SPATA7: variants seen among roughly 807,000 people sequenced by gnomAD.
The protein encoded by SPATA7 is spermatogenesis associated 7.
Under a neutral mutation model 51.8 loss-of-function variants are expected in SPATA7, and 43 were observed. The ratio of observed to expected loss-of-function variants is 0.83; its 90% CI spans 0.65 to 1.07. SPATA7 has a LOEUF of 1.07. SPATA7 is among the 50% of genes least tolerant of loss of function. The pLI, the probability that SPATA7 is intolerant of heterozygous loss-of-function variation, is 0.00. For synonymous variants in SPATA7, 230 were observed against 252.8 expected, an observed-to-expected ratio of 0.91 and a Z score of 0.86; for missense variants, 683 against 701.3, an observed-to-expected ratio of 0.97 and a Z score of 0.30.
At chr14:88,394,560 T>A (rs2075831082) in intron 3 of SPATA7, among the ~76,000 whole-genome samples, 1 of 152,238 alleles carries the variant, frequency 6.6e-6, no homozygotes, top group South Asian at 2.1e-4. Flanking sequence ...CACCAGTTGT[T>A]AAACATTTGG....
intron 3 of SPATA7, among the ~76,000 whole-genome samples, chr14:88,451,190 A>G (rs1341348947): frequency 6.6e-6 from 1 of 152,106 alleles, no homozygotes; most frequent in Non-Finnish European, 1.5e-5. Flanking sequence ...TCGTTTTGAG[A>G]TGGAGATTCA....
chr14:88,429,995 C>G (rs568097900), intron 8 of SPATA7, among the ~76,000 whole-genome samples: 102 of 151,714 alleles, frequency 6.7e-4, no homozygotes, highest in African/African-American at 2.2e-3. Context: ...AATGGAGGCA[C>G]TCTTTAAAAA....
At chr14:88,437,027 T>G (rs1261821400) in intron 10 of SPATA7, among the ~76,000 whole-genome samples, 1 of 152,126 alleles carries the variant, frequency 6.6e-6, no homozygotes, top group Non-Finnish European at 1.5e-5. Context: ...GTGTGGACAT[T>G]TTAACAATAT....
chr14:88,416,409 CTTTTTT>C, intron 4 of SPATA7: 3 of 118,528 alleles, frequency 2.5e-5, no homozygotes, highest in South Asian at 1.4e-4. Flanking sequence ...TGTTGGCATT[CTTTTTT>C]TTTTTTTTTT....
At chr14:88,403,705 A>AG (rs2076131153) in intron 4 of SPATA7, among the ~76,000 whole-genome samples, 1 of 152,338 alleles carries the variant, frequency 6.6e-6, no homozygotes, top group Admixed American at 6.5e-5. Flanking sequence ...GGGCAACCTC[A>AG]GAGAGGCAGA....
downstream of SPATA7, among the ~76,000 whole-genome samples, chr14:88,455,813 G>A (rs1413381928): frequency 6.6e-6 from 1 of 151,978 alleles, no homozygotes; most frequent in Admixed American, 6.6e-5. Context: ...TGCCGTGTTG[G>A]TGTGCTGCAC....
At chr14:88,445,772 A>G (rs1443103837) in intron 3 of SPATA7, among the ~76,000 whole-genome samples, 1 of 152,178 alleles carries the variant, frequency 6.6e-6, no homozygotes, top group Non-Finnish European at 1.5e-5. Flanking sequence ...GGTTCTGTTT[A>G]TATGCTGGAT....
rs527960122 is a variant in SPATA7, at chr14:88,448,740, A to G, written c.178-6320A>G. Among the ~76,000 whole-genome samples the G allele has an allele frequency of 1.7e-3, 254 of 152,126 alleles. 1 individual carries two copies. The highest frequency in any genetic ancestry group is 3.7e-3 in the Admixed American group (57 of 15,260). ...CAGCTGCAGGTCTGTTGGAGTACCC[A>G]GCCGTGTGAGGTGTCAGTCTGCCCC... On this transcript the variant is annotated intron_variant, in intron 3 of 3. Transcript: ENST00000554802.
intron 5 of SPATA7, among the ~76,000 whole-genome samples, chr14:88,417,401 G>T (rs2076514506): frequency 6.6e-6 from 1 of 150,988 alleles, no homozygotes; most frequent in Non-Finnish European, 1.5e-5. Flanking sequence ...CCACTTCCTG[G>T]GTTGAAACAA....
intron 3 of SPATA7, among the ~76,000 whole-genome samples, chr14:88,452,451 T>C (rs1179246359): frequency 6.6e-6 from 1 of 152,226 alleles, no homozygotes; most frequent in Non-Finnish European, 1.5e-5. Flanking sequence ...TGTGGTATTA[T>C]AGGGAAAATC....
In SPATA7 at chr14:88,419,587, C is replaced by T. The variant is rs150333016; in HGVS notation, c.372+2743C>T. On this transcript the variant is annotated intron_variant, in intron 5 of 11. Coordinates refer to ENST00000393545, the MANE Select transcript of SPATA7 (RefSeq NM_018418.5). ...TTTTACCCAGGCCAGACTGCAGTGG[C>T]GCTATCTTGGCTCACTGCAAGCTCT... Among the ~76,000 whole-genome samples, 1,291 of 149,950 alleles carry T rather than the reference C, an allele frequency of 8.6e-3. 28 individuals carry two copies. Among genetic ancestry groups the T allele is most frequent in the African/African-American group, 0.03 (1,208 of 40,682 alleles).
At chr14:88,447,321 G>A in intron 3 of SPATA7, among the ~76,000 whole-genome samples, 1 of 148,366 alleles carries the variant, frequency 6.7e-6, no homozygotes, top group East Asian at 2.0e-4. Flanking sequence ...GCCTTTTTTT[G>A]TTTTCCATTT....
Position 88,416,731 on chromosome 14 carries a change from G to C in SPATA7, c.259G>C (p.Glu87Gln). Residue 87 changes from glutamate (E) to glutamine (Q), a missense_variant, in exon 5 of 12, where the codon GAG becomes CAG. Coordinates refer to ENST00000393545, the MANE Select transcript of SPATA7 (RefSeq NM_018418.5). The part of the protein sequence containing the change: ...SIKYADQQRR[E>Q]KLKKELAQCE... The stretch of plus-strand genomic sequence containing the variant: ...TTTAGATGCAGACCAACAACGAAGA[G>C]AGAAACTCAAAAAGGAATTAGCACA... 6.2e-7 allele frequency: 1 copy of C among 1,613,224 alleles called. No homozygotes were observed. Among genetic ancestry groups the C allele is most frequent in the Non-Finnish European group, 8.5e-7 (1 of 1,179,674 alleles).
At chr14:88,419,566 A>G (rs2076580478) in intron 5 of SPATA7, among the ~76,000 whole-genome samples, 1 of 133,188 alleles carries the variant, frequency 7.5e-6, no homozygotes, top group Non-Finnish European at 1.6e-5. Flanking sequence ...TCGCTTTTTT[A>G]CCCAGGCCAG....
At chr14:88,454,306 T>G (rs1252238548) in intron 3 of SPATA7, among the ~76,000 whole-genome samples, 1 of 152,096 alleles carries the variant, frequency 6.6e-6, no homozygotes, top group Non-Finnish European at 1.5e-5. Flanking sequence ...TCTTTAAATC[T>G]CTTTACTAAA....
intron 4 of SPATA7, chr14:88,468,882 C>T (rs1239160214): frequency 1.2e-6 from 2 of 1,613,506 alleles, no homozygotes; most frequent in Admixed American, 1.7e-5. Flanking sequence ...CTCATTTCCA[C>T]CCAAAAAGGC....
At chr14:88,447,933 CA>C (rs1236209815) in intron 3 of SPATA7, among the ~76,000 whole-genome samples, 3 of 150,908 alleles carry the variant, frequency 2.0e-5, no homozygotes, top group African/African-American at 7.3e-5. Context: ...TCCTTCATTT[CA>C]ACTTTGGTGA....
intron 4 of SPATA7, among the ~76,000 whole-genome samples, chr14:88,401,680 A>C (rs1277996087): frequency 6.6e-6 from 1 of 151,864 alleles, no homozygotes; most frequent in Non-Finnish European, 1.5e-5. Flanking sequence ...AAATAAAAAA[A>C]CTAAAAATTA....
intron 4 of SPATA7, among the ~76,000 whole-genome samples, chr14:88,460,670 C>T (rs1033262324): frequency 5.9e-5 from 9 of 152,204 alleles, no homozygotes; most frequent in African/African-American, 1.9e-4. Context: ...TCCTTTAGCT[C>T]AGAGAAGTTT....
Sources: gnomAD v4.1 joint callset for allele counts (sites outside exome capture counted in the v4.1 genomes callset) on GRCh38, gnomAD v4.1.1 for gene constraint, MANE v1.5 for transcripts, NCBI Gene and HGNC (gene_info 2026-07-23, HGNC 2026-07-21) for gene names.